The following SMAP1 variants were observed in gnomAD, a reference collection of about 807,000 sequenced individuals.
SMAP1 encodes the protein stromal membrane-associated protein 1.
A neutral mutation model predicts 58.5 loss-of-function variants in SMAP1; 24 were observed. The ratio of observed to expected loss-of-function variants is 0.41; its 90% CI spans 0.30 to 0.58. The LOEUF is 0.58. Among genes scored for constraint, SMAP1 ranks in the 20% least tolerant of loss-of-function variants. The pLI, the probability that SMAP1 is intolerant of heterozygous loss-of-function variation, is 0.29. For synonymous variants in SMAP1, 216 were observed against 196.6 expected, an observed-to-expected ratio of 1.10 and a Z score of -0.82; for missense variants, 563 against 566.3, an observed-to-expected ratio of 0.99 and a Z score of 0.06.
At chr6:70,680,838 C>A (rs1160460880) in intron 1 of SMAP1, among the ~76,000 whole-genome samples, 1 of 150,614 alleles carries the variant, frequency 6.6e-6, no homozygotes, top group African/African-American at 2.4e-5. Flanking sequence ...CCTACCTCAG[C>A]CTCTCAAGTA....
intron 7 of SMAP1, among the ~76,000 whole-genome samples, chr6:70,846,199 C>G (rs988766281): frequency 9.2e-5 from 14 of 152,024 alleles, no homozygotes; most frequent in African/African-American, 3.4e-4. Flanking sequence ...CATTATTTCA[C>G]TTTTCTCCCA....
chr6:70,760,473 A>G (rs931594072), intron 3 of SMAP1, among the ~76,000 whole-genome samples: 1 of 152,086 alleles, frequency 6.6e-6, no homozygotes, highest in Non-Finnish European at 1.5e-5. Context: ...ACTAGTCCCC[A>G]TATCTAATGT....
intron 1 of SMAP1, among the ~76,000 whole-genome samples, chr6:70,679,856 G>T (rs1216118384): frequency 6.6e-6 from 1 of 152,070 alleles, no homozygotes; most frequent in Non-Finnish European, 1.5e-5. Flanking sequence ...ATCCCAGAAG[G>T]CTTTTTTTGT....
intron 1 of SMAP1, among the ~76,000 whole-genome samples, chr6:70,695,508 T>C (rs761349347): frequency 6.6e-6 from 1 of 152,216 alleles, no homozygotes; most frequent in Non-Finnish European, 1.5e-5. Flanking sequence ...TTGAATTTTA[T>C]CAGAATCTTT....
chr6:70,856,078 T>C (rs899607145), intron 8 of SMAP1, among the ~76,000 whole-genome samples: 4 of 152,216 alleles, frequency 2.6e-5, no homozygotes, highest in Non-Finnish European at 5.9e-5. Flanking sequence ...TTACTAGTCT[T>C]CATAGAATTC....
Position 70,860,475 on chromosome 6 carries a change from T to G in SMAP1, c.*141T>G. On this transcript the variant is annotated 3_prime_UTR_variant, in exon 11 of 11. Transcript: ENST00000370455. ...TTAAGAATGATCTGATTGACCGTGT[T>G]GGTCTGTACTGATTCAATTTGATGT... 1 of 936,712 alleles carries G rather than the reference T, an allele frequency of 1.1e-6. No individual in the cohort carries two copies. The highest frequency in any genetic ancestry group is 1.5e-6 in the Non-Finnish European group (1 of 666,732). 58.0% of individuals were successfully genotyped at this position (936,712 alleles called of 1,614,324 possible).
chr6:70,674,001 A>G (rs1167598896), intron 1 of SMAP1, among the ~76,000 whole-genome samples: 1 of 152,154 alleles, frequency 6.6e-6, no homozygotes, highest in East Asian at 1.9e-4. Flanking sequence ...ATATATATAT[A>G]TATCTTTCTC....
rs2150013517 is a variant in SMAP1, at chr6:70,857,001, CAGGAACCATTCA to C, written c.934_945del (p.Gly312_Gln315del). On this transcript the variant is annotated inframe_deletion, in exon 9 of 11. Transcript: ENST00000370455. Reference sequence around the variant, plus strand: ...GACTCCATCTTATCTCTGTATGGCACAGGAACCATTCAACAGCAAAGTACTCCTGGTAATGAA... The same window carrying C: ...GACTCCATCTTATCTCTGTATGGCACACAGCAAAGTACTCCTGGTAATGAA... The C allele has an allele frequency of 6.2e-7, 1 of 1,611,864 alleles. No individual in the cohort carries two copies. The highest frequency in any genetic ancestry group is 2.2e-5 in the East Asian group (1 of 44,856).
intron 6 of SMAP1, among the ~76,000 whole-genome samples, chr6:70,814,722 A>C (rs923699888): frequency 3.9e-5 from 6 of 152,136 alleles, no homozygotes; most frequent in African/African-American, 1.4e-4. Context: ...TCTGACATTC[A>C]GTGTGACTTG....
intron 1 of SMAP1, among the ~76,000 whole-genome samples, chr6:70,720,362 A>G (rs1186236917): frequency 6.6e-6 from 1 of 152,202 alleles, no homozygotes; most frequent in Non-Finnish European, 1.5e-5. Context: ...TGCAGGGTAC[A>G]GCCTCCTTCC....
At chr6:70,842,491 T>G (rs1256279100) in intron 7 of SMAP1, among the ~76,000 whole-genome samples, 1 of 152,062 alleles carries the variant, frequency 6.6e-6, no homozygotes, top group African/African-American at 2.4e-5. Context: ...TCACAGACTT[T>G]AGAAGAGAGC....
intron 8 of SMAP1, among the ~76,000 whole-genome samples, chr6:70,853,872 T>C (rs985507751): frequency 3.3e-5 from 5 of 152,222 alleles, no homozygotes; most frequent in Admixed American, 1.3e-4. Context: ...ACAACCAGAA[T>C]GTGAAAAGCC....
intron 5 of SMAP1, among the ~76,000 whole-genome samples, chr6:70,794,901 G>A (rs946827090): frequency 2.0e-5 from 3 of 149,798 alleles, no homozygotes; most frequent in Non-Finnish European, 4.4e-5. Flanking sequence ...CCATTCTCCT[G>A]CCTCAGCCTC....
intron 4 of SMAP1, among the ~76,000 whole-genome samples, chr6:70,783,953 G>A (rs1309188216): frequency 1.1e-4 from 16 of 152,092 alleles, no homozygotes; most frequent in African/African-American, 2.7e-4. Flanking sequence ...TACAGAGAAC[G>A]CCACAAAGAT....
intron 1 of SMAP1, among the ~76,000 whole-genome samples, chr6:70,729,186 T>C (rs1765310538): frequency 1.3e-5 from 2 of 152,152 alleles, no homozygotes; most frequent in Non-Finnish European, 2.9e-5. Context: ...ATGCCTGTAA[T>C]CCCAGCACTT....
intron 2 of SMAP1, among the ~76,000 whole-genome samples, chr6:70,737,867 C>T (rs1462122248): frequency 2.0e-5 from 3 of 152,160 alleles, no homozygotes; most frequent in Non-Finnish European, 2.9e-5. Context: ...TGATCTCTGT[C>T]CTTTTCACCT....
At chr6:70,808,168 G>T (rs1365433773) in intron 6 of SMAP1, among the ~76,000 whole-genome samples, 1 of 152,102 alleles carries the variant, frequency 6.6e-6, no homozygotes, top group Non-Finnish European at 1.5e-5. Flanking sequence ...TGGCAGAGGT[G>T]GAAGAAAATC....
At chr6:70,796,466 C>T (rs1470461992) in intron 5 of SMAP1, among the ~76,000 whole-genome samples, 2 of 152,102 alleles carry the variant, frequency 1.3e-5, no homozygotes, top group African/African-American at 4.8e-5. Flanking sequence ...AAAATTGTTG[C>T]AAAGATTAAA....
At chr6:70,775,970 T>C (rs1299757856) in intron 4 of SMAP1, among the ~76,000 whole-genome samples, 1 of 152,208 alleles carries the variant, frequency 6.6e-6, no homozygotes, top group Non-Finnish European at 1.5e-5. Flanking sequence ...TCTTCAGTAA[T>C]AGATTGAGCA....
Sources: gnomAD v4.1 joint callset for allele counts (sites outside exome capture counted in the v4.1 genomes callset) on GRCh38, gnomAD v4.1.1 for gene constraint, MANE v1.5 for transcripts, NCBI Gene and HGNC (gene_info 2026-07-23, HGNC 2026-07-21) for gene names.